SYNPR: variants seen among roughly 807,000 people sequenced by gnomAD.
SYNPR encodes the protein synaptoporin.
Under a neutral mutation model 32.9 loss-of-function variants are expected in SYNPR, and 23 were observed. The observed-to-expected ratio is 0.70, with a 90% CI of 0.50 to 0.99. The LOEUF (loss-of-function observed/expected upper bound fraction) is 0.99, where lower values mean the gene tolerates loss of function less well. Among genes scored for constraint, SYNPR ranks in the 50% least tolerant of loss-of-function variants. The probability of loss-of-function intolerance (pLI) is 0.00; values close to 1 mark genes in which losing one functional copy is unlikely to be tolerated. For missense variants in SYNPR, 318 were observed against 349.3 expected, an observed-to-expected ratio of 0.91 and a Z score of 0.71; for synonymous variants, 146 against 135.9, an observed-to-expected ratio of 1.07 and a Z score of -0.52.
At chr3:63,345,079 T>A (rs1293716961) in intron 2 of SYNPR, among the ~76,000 whole-genome samples, 1 of 152,184 alleles carries the variant, frequency 6.6e-6, no homozygotes, top group Admixed American at 6.5e-5. Flanking sequence ...AAATTACAAA[T>A]CTTGTGACCA....
chr3:63,364,265 A>G (rs993241043), intron 2 of SYNPR, among the ~76,000 whole-genome samples: 65 of 152,282 alleles, frequency 4.3e-4, no homozygotes, highest in African/African-American at 1.5e-3. Flanking sequence ...CAAGGTATTA[A>G]GAGAGATTTT....
chr3:63,321,746 G>T (rs2087112836), intron 2 of SYNPR, among the ~76,000 whole-genome samples: 1 of 152,060 alleles, frequency 6.6e-6, no homozygotes, highest in Non-Finnish European at 1.5e-5. Context: ...TTGCACAGAA[G>T]TTCTCTGTGT....
At chr3:63,259,689 CTCCTAT>C (rs1384858895) in intron 2 of SYNPR, among the ~76,000 whole-genome samples, 4 of 152,192 alleles carry the variant, frequency 2.6e-5, no homozygotes, top group Non-Finnish European at 5.9e-5. Context: ...TCTCTCACCA[CTCCTAT>C]TCAACATAGT....
At chr3:63,311,840 A>C (rs934385280) in intron 2 of SYNPR, among the ~76,000 whole-genome samples, 2 of 151,974 alleles carry the variant, frequency 1.3e-5, no homozygotes, top group Admixed American at 1.3e-4. Flanking sequence ...TATTATTTTA[A>C]ATTTAATACC....
At chr3:63,268,625 AG>A (rs2086510547) in intron 3 of SYNPR, among the ~76,000 whole-genome samples, 1 of 152,228 alleles carries the variant, frequency 6.6e-6, no homozygotes, top group South Asian at 2.1e-4. Flanking sequence ...ATCATCATAA[AG>A]GTTTTCATCC....
intron 2 of SYNPR, among the ~76,000 whole-genome samples, chr3:63,420,241 T>C (rs551236863): frequency 4.6e-5 from 7 of 152,062 alleles, no homozygotes; most frequent in African/African-American, 2.4e-5. Context: ...TCTAAAGGCA[T>C]AAAATACAGG....
At chr3:63,553,758 G>A (rs999806034) in intron 3 of SYNPR, among the ~76,000 whole-genome samples, 4 of 152,114 alleles carry the variant, frequency 2.6e-5, no homozygotes, top group Non-Finnish European at 5.9e-5. Flanking sequence ...TTTCGCTCTT[G>A]TTGCCCAGGC....
chr3:63,404,646 G>A (rs140369225), intron 2 of SYNPR, among the ~76,000 whole-genome samples: 1 of 151,982 alleles, frequency 6.6e-6, no homozygotes, highest in Admixed American at 6.6e-5. Flanking sequence ...TAACTTGTAT[G>A]ATCATGATCA....
intron 2 of SYNPR, among the ~76,000 whole-genome samples, chr3:63,297,730 G>A (rs1032038463): frequency 6.6e-6 from 1 of 152,072 alleles, no homozygotes; most frequent in African/African-American, 2.4e-5. Flanking sequence ...GAATAATTTG[G>A]TGGGCAGGGG....
At chr3:63,219,318 G>A in the SYNPR span, among the ~76,000 whole-genome samples, 8 of 152,334 alleles carry the variant, frequency 5.3e-5, no homozygotes, top group Middle Eastern at 3.4e-3. Flanking sequence ...TGGCCAGTGC[G>A]TCCAGAGTAC....
chr3:63,562,706 T>C (rs1702711881), intron 4 of SYNPR, among the ~76,000 whole-genome samples: 1 of 152,208 alleles, frequency 6.6e-6, no homozygotes, highest in South Asian at 2.1e-4. Context: ...TAGTGAGCGC[T>C]AGACATTGGA....
intron 3 of SYNPR, among the ~76,000 whole-genome samples, chr3:63,507,726 G>T (rs1460894962): frequency 6.6e-6 from 1 of 152,064 alleles, no homozygotes; most frequent in Non-Finnish European, 1.5e-5. Flanking sequence ...GGAAACTAGA[G>T]GAAGAGTATA....
chr3:63,260,557 T>A (rs1404376273), intron 2 of SYNPR, among the ~76,000 whole-genome samples: 3 of 152,292 alleles, frequency 2.0e-5, no homozygotes, highest in Admixed American at 2.0e-4. Context: ...TTACACCTTA[T>A]ACAAAAAGTA....
chr3:63,330,218 A>G (rs2087211571), intron 2 of SYNPR: 1 of 152,164 alleles, frequency 6.6e-6, no homozygotes, highest in Admixed American at 6.5e-5. Context: ...GGACTGGGTC[A>G]GTTTCCTCTA....
intron 3 of SYNPR, among the ~76,000 whole-genome samples, chr3:63,544,490 AT>A (rs1234392619): frequency 6.6e-6 from 1 of 152,066 alleles, no homozygotes; most frequent in Non-Finnish European, 1.5e-5. Context: ...ATTACTATTT[AT>A]TTCATTATAA....
chr3:63,454,632 C>A (rs576190271), intron 2 of SYNPR, among the ~76,000 whole-genome samples: 24 of 152,092 alleles, frequency 1.6e-4, no homozygotes, highest in Non-Finnish European at 1.8e-4. Flanking sequence ...GAGACACAGA[C>A]AAAGGTCCTC....
At chr3:63,217,244 G>C in the SYNPR span, among the ~76,000 whole-genome samples, 3 of 30,114 alleles carry the variant, frequency 1.0e-4, 1 homozygote, top group South Asian at 8.8e-4. Context: ...CACCCAGTTC[G>C]AGCTTCCCGG....
At chr3:63,246,664 G>A (rs1163060402) in intron 1 of SYNPR, among the ~76,000 whole-genome samples, 3 of 152,014 alleles carry the variant, frequency 2.0e-5, no homozygotes, top group South Asian at 2.1e-4. Flanking sequence ...GGTATTTGGA[G>A]GAAGAGCATT....
chr3:63,444,686 T>C (rs772657799), intron 2 of SYNPR, among the ~76,000 whole-genome samples: 3 of 152,164 alleles, frequency 2.0e-5, no homozygotes, highest in Non-Finnish European at 2.9e-5. Flanking sequence ...AGAATGCCTG[T>C]CTGGGAGTGC....
Sources: allele counts gnomAD v4.1 joint callset (sites outside exome capture counted in the v4.1 genomes callset), GRCh38; gene constraint gnomAD v4.1.1; transcripts MANE v1.5; gene names NCBI Gene and HGNC (gene_info 2026-07-23, HGNC 2026-07-21).